Variants in RIT2 observed in about 807,000 individuals in gnomAD.
RIT2 encodes the protein Ras like without CAAX 2.
A neutral mutation model predicts 23.7 loss-of-function variants in RIT2; 24 were observed. That is an observed-to-expected ratio of 1.01 (90% confidence interval 0.73 to 1.43). The LOEUF (loss-of-function observed/expected upper bound fraction) is 1.43. Ranked by LOEUF, RIT2 falls within the 40% of genes most tolerant of loss-of-function variation. RIT2 has a pLI of 0.00. For missense variants in RIT2, 236 were observed against 266.9 expected, an observed-to-expected ratio of 0.88 and a Z score of 0.81; for synonymous variants, 107 against 91.1, an observed-to-expected ratio of 1.17 and a Z score of -0.99.
intron 4 of RIT2, among the ~76,000 whole-genome samples, chr18:42,850,540 T>C (rs1907025250): frequency 6.6e-6 from 1 of 152,184 alleles, no homozygotes; most frequent in Admixed American, 6.5e-5. Flanking sequence ...GATGGAGTGA[T>C]TTCAAAGGCT....
intron 2 of RIT2, among the ~76,000 whole-genome samples, chr18:43,000,309 A>G (rs1182290429): frequency 6.6e-6 from 1 of 152,068 alleles, no homozygotes; most frequent in African/African-American, 2.4e-5. Context: ...TTCATATAGG[A>G]AGATGGTTAA....
intron 4 of RIT2, among the ~76,000 whole-genome samples, chr18:42,848,989 G>T (rs1330005951): frequency 6.6e-6 from 1 of 152,042 alleles, no homozygotes; most frequent in East Asian, 1.9e-4. Flanking sequence ...AAACCAAAAG[G>T]AATACTTTTA....
chr18:43,017,160 C>A (rs1025477891), intron 2 of RIT2, among the ~76,000 whole-genome samples: 2 of 151,938 alleles, frequency 1.3e-5, no homozygotes, highest in African/African-American at 4.8e-5. Flanking sequence ...GAATATTTCA[C>A]ACTCTACATT....
At chr18:42,916,548 C>A (rs2144125017) in intron 4 of RIT2, among the ~76,000 whole-genome samples, 1 of 152,162 alleles carries the variant, frequency 6.6e-6, no homozygotes, top group South Asian at 2.1e-4. Flanking sequence ...GGGCCTTCAC[C>A]CAGATTAGTT....
chr18:42,938,892 C>A (rs954845284), intron 3 of RIT2, among the ~76,000 whole-genome samples: 6 of 152,008 alleles, frequency 3.9e-5, no homozygotes, highest in African/African-American at 1.4e-4. Context: ...TCATGTGCCA[C>A]CATGCTCAGC....
chr18:42,767,439 T>C (rs537328172), intron 4 of RIT2, among the ~76,000 whole-genome samples: 1 of 152,312 alleles, frequency 6.6e-6, no homozygotes, highest in Admixed American at 6.5e-5. Flanking sequence ...TTCCTCTCAT[T>C]TGGAATGGCT....
intron 4 of RIT2, among the ~76,000 whole-genome samples, chr18:42,900,975 G>C (rs1255467084): frequency 6.6e-6 from 1 of 151,172 alleles, no homozygotes; most frequent in Non-Finnish European, 1.5e-5. Context: ...ATTTTATTTG[G>C]CTTTTTTTTT....
At chr18:42,920,253 G>A (rs1401232365) in intron 4 of RIT2, among the ~76,000 whole-genome samples, 2 of 152,116 alleles carry the variant, frequency 1.3e-5, no homozygotes, top group Non-Finnish European at 2.9e-5. Flanking sequence ...AATGACAATG[G>A]TTTGTAGGCC....
At chr18:42,845,338 T>C (rs1428639182) in intron 4 of RIT2, among the ~76,000 whole-genome samples, 2 of 151,778 alleles carry the variant, frequency 1.3e-5, no homozygotes, top group Admixed American at 6.6e-5. Flanking sequence ...TGTTTCCAAA[T>C]GAAGACAGTC....
At chr18:42,906,865 T>C (rs946389409) in intron 4 of RIT2, among the ~76,000 whole-genome samples, 5 of 152,260 alleles carry the variant, frequency 3.3e-5, no homozygotes, top group South Asian at 2.1e-4. Flanking sequence ...TACACAACAC[T>C]CAAGGCCTAG....
chr18:42,799,995 G>A (rs1905479487), intron 4 of RIT2, among the ~76,000 whole-genome samples: 1 of 151,944 alleles, frequency 6.6e-6, no homozygotes, highest in Non-Finnish European at 1.5e-5. Flanking sequence ...TTCCCTCCAC[G>A]AAGCTATCGG....
intron 2 of RIT2, among the ~76,000 whole-genome samples, chr18:43,007,420 C>T (rs1253188170): frequency 1.3e-5 from 2 of 151,616 alleles, no homozygotes; most frequent in African/African-American, 4.8e-5. Flanking sequence ...TAATGAGCAC[C>T]GAGTAGCAAT....
chr18:42,884,123 C>A (rs538897087), intron 4 of RIT2, among the ~76,000 whole-genome samples: 1 of 152,190 alleles, frequency 6.6e-6, no homozygotes, highest in Non-Finnish European at 1.5e-5. Context: ...AATTTGAAAA[C>A]AGAGCATAGC....
At chr18:42,891,201 T>A (rs1428044882) in intron 4 of RIT2, among the ~76,000 whole-genome samples, 1 of 152,126 alleles carries the variant, frequency 6.6e-6, no homozygotes, top group African/African-American at 2.4e-5. Flanking sequence ...TGCCTTTCCC[T>A]AATAGTACAC....
rs1555647353 is a variant in RIT2 at position 42,929,034 on chromosome 18, G to GAGATATATAT, written c.235-5272_235-5271insATATATATCT. On this transcript the variant is annotated intron_variant, in intron 3 of 4. Transcript: ENST00000326695. ...ACATATACTAAAACTAAAATATGGAGATATATATATATATATATATATATT... is the reference window on the plus strand; with the variant it reads ...ACATATACTAAAACTAAAATATGGAGAGATATATATATATATATATATATATATATATATT... Among the ~76,000 whole-genome samples, 459 of 96,950 alleles carry GAGATATATAT rather than the reference G, an allele frequency of 4.7e-3. 3 individuals are homozygous for GAGATATATAT. The highest frequency in any genetic ancestry group is 6.6e-3 in the Non-Finnish European group (338 of 51,562). 63.6% of individuals were successfully genotyped at this position (96,950 alleles called of 152,430 possible).
At chr18:42,865,862 CAT>C in intron 4 of RIT2, among the ~76,000 whole-genome samples, 1 of 152,148 alleles carries the variant, frequency 6.6e-6, no homozygotes, top group East Asian at 1.9e-4. Context: ...AACCAGATCA[CAT>C]ATGTCTTCCC....
intron 4 of RIT2, among the ~76,000 whole-genome samples, chr18:42,869,170 A>G (rs1907551002): frequency 6.6e-6 from 1 of 152,198 alleles, no homozygotes; most frequent in South Asian, 2.1e-4. Context: ...TTTTCTGTGG[A>G]TGGTGGTGGG....
chr18:42,985,682 T>A (rs1910692898), intron 2 of RIT2, among the ~76,000 whole-genome samples: 1 of 152,178 alleles, frequency 6.6e-6, no homozygotes, highest in Non-Finnish European at 1.5e-5. Context: ...GTAATTTATA[T>A]ATTGGATATA....
intron 4 of RIT2, among the ~76,000 whole-genome samples, chr18:42,918,199 T>C (rs1908961889): frequency 6.6e-6 from 1 of 152,124 alleles, no homozygotes; most frequent in Non-Finnish European, 1.5e-5. Flanking sequence ...TTGTTACCCA[T>C]TGGGAAAATG....
Sources: gnomAD v4.1 joint callset for allele counts (sites outside exome capture counted in the v4.1 genomes callset) on GRCh38, gnomAD v4.1.1 for gene constraint, MANE v1.5 for transcripts, NCBI Gene and HGNC (gene_info 2026-07-23, HGNC 2026-07-21) for gene names.